The following CARHSP1 variants were observed in gnomAD, a reference collection of about 807,000 sequenced individuals.
CARHSP1 encodes calcium-regulated heat-stable protein 1.
A neutral mutation model predicts 12.5 loss-of-function variants in CARHSP1; 14 were observed. That is an observed-to-expected ratio of 1.12 (90% CI 0.74 to 1.75). The LOEUF (loss-of-function observed/expected upper bound fraction) is 1.75. Among genes scored for constraint, CARHSP1 ranks in the 40% most tolerant of loss-of-function variants. The pLI, the probability that CARHSP1 is intolerant of heterozygous loss-of-function variation, is 0.00. For synonymous variants in CARHSP1, 161 were observed against 82.0 expected (o/e 1.96, Z -5.20); for missense variants, 343 against 201.6 (o/e 1.70, Z -4.25).
At chr16:8,860,608 G>T (rs1393173021) in intron 1 of CARHSP1, 1 of 659,838 alleles carries the variant, frequency 1.5e-6, no homozygotes, top group Non-Finnish European at 1.9e-6. Context: ...GCATCACTTG[G>T]CACCTGCGCA....
At chr16:8,861,708 C>G in intron 1 of CARHSP1, 2 of 1,288,600 alleles carry the variant, frequency 1.6e-6, no homozygotes, top group Non-Finnish European at 2.0e-6. Context: ...CAAGGAGGAA[C>G]TCCTGAGTCC....
At position 8,858,466 on chromosome 16, in the gene CARHSP1, C is replaced by T. The variant is rs771853664; in HGVS notation, c.165G>A (p.Val55=). The change falls in exon 3 of 4, where the codon GTG becomes GTA. Residue 55 remains valine, a synonymous_variant. Coordinates refer to ENST00000311052, the MANE Select transcript of CARHSP1 (RefSeq NM_014316.4). ...TRRTRTFSAT[V]RASQGPVYKG... is the part of the protein sequence containing the mutation. ...TGTAGACGGGGCCCTGTGAAGCCCGCACCGTCCTGACAGAGAGGGGGAAAT... is the reference window on the plus strand; with the variant it reads ...TGTAGACGGGGCCCTGTGAAGCCCGTACCGTCCTGACAGAGAGGGGGAAAT... 9 of 1,613,644 alleles carry T rather than the reference C, an allele frequency of 5.6e-6. No individual in the cohort carries two copies. Among genetic ancestry groups the T allele is most frequent in the East Asian group, 2.2e-5 (1 of 44,890 alleles).
chr16:8,858,204 G>T, intron 3 of CARHSP1, 146 bp downstream of exon 3: 2 of 950,226 alleles, frequency 2.1e-6, no homozygotes, highest in Non-Finnish European at 3.1e-6. Context: ...GAGCACAGCT[G>T]GAGCACCAGC....
chr16:8,859,146 C>A lies in CARHSP1; in HGVS notation c.158+25G>T, dbSNP rs199720059. ...CAGGCAAGAGATCCATCTGAGAACGCGTCCCCAGCCTGCTCCAGACTCACG... is the reference window on the plus strand; with the variant it reads ...CAGGCAAGAGATCCATCTGAGAACGAGTCCCCAGCCTGCTCCAGACTCACG... On this transcript the variant is annotated intron_variant, in intron 2 of 3. Transcript: ENST00000311052. The A allele has an allele frequency of 9.0e-6, 14 of 1,559,174 alleles. No individual in the cohort carries two copies. The African/African-American group carries it at 1.4e-4, about 15-fold the overall frequency.
chr16:8,860,921 G>T (rs1207761831), intron 1 of CARHSP1, among the ~76,000 whole-genome samples: 2 of 151,436 alleles, frequency 1.3e-5, no homozygotes, highest in African/African-American at 4.8e-5. Context: ...GTGGTGGTGG[G>T]TGCCTGTAAT....
chr16:8,859,391 C>T (rs1438127026), intron 1 of CARHSP1, 56 bp from the exon 2 acceptor site: 42 of 1,495,008 alleles, frequency 2.8e-5, no homozygotes, highest in Non-Finnish European at 3.5e-5. Flanking sequence ...GGACCCTGTG[C>T]TTACCCCCAT....
intron 1 of CARHSP1, chr16:8,867,650 C>T (rs1001546012): frequency 2.0e-5 from 3 of 152,480 alleles, no homozygotes; most frequent in Non-Finnish European, 4.4e-5. Flanking sequence ...AACATCTACT[C>T]CCAGCCGGGC....
rs913402307 is a variant in CARHSP1 at position 8,853,724 on chromosome 16, C to T, written c.*1440G>A. Reference sequence around the variant, plus strand: ...TGCCTAGCTATTTCTACTTTGAAATCATGACTAAAGCCAAACCACAACCAC... The same window carrying T: ...TGCCTAGCTATTTCTACTTTGAAATTATGACTAAAGCCAAACCACAACCAC... On this transcript the variant is annotated 3_prime_UTR_variant, in exon 4 of 4. Transcript: ENST00000311052. 1 of 152,216 alleles carries T rather than the reference C, an allele frequency of 6.6e-6. No homozygotes were observed. Among genetic ancestry groups the T allele is most frequent in the Non-Finnish European group, 1.5e-5 (1 of 68,042 alleles). 9.4% of individuals were successfully genotyped at this position (152,216 alleles called of 1,614,324 possible). A position where few individuals can be genotyped will look rare whatever the true frequency, so the allele number is the denominator to read the frequency against.
chr16:8,858,311 C>A, intron 3 of CARHSP1, 39 bp downstream of exon 3: 1 of 1,605,336 alleles, frequency 6.2e-7, no homozygotes, highest in Non-Finnish European at 8.5e-7. Context: ...AAGGAAGCGC[C>A]CACCCCAGCC....
chr16:8,864,835 C>T (rs1347100595), intron 1 of CARHSP1, among the ~76,000 whole-genome samples: 1 of 152,208 alleles, frequency 6.6e-6, no homozygotes, highest in East Asian at 1.9e-4. Context: ...TTTCCGTAGG[C>T]TCTGCAGCTC....
At position 8,854,444 on chromosome 16, in the gene CARHSP1, AAGGTC is replaced by A. The variant is rs1474319475; in HGVS notation, c.*715_*719del. 1 of 152,612 alleles carries A rather than the reference AAGGTC, an allele frequency of 6.6e-6. No homozygotes were observed. Among genetic ancestry groups the A allele is most frequent in the Non-Finnish European group, 1.5e-5 (1 of 68,062 alleles). 9.5% of individuals were successfully genotyped at this position (152,612 alleles called of 1,614,324 possible). On this transcript the variant is annotated 3_prime_UTR_variant, in exon 4 of 4. Transcript: ENST00000311052. The stretch of plus-strand genomic sequence containing the variant: ...GTCACACAACCAGAAGGCAGATGAA[AAGGTC>A]AGGCTCTAAGAGGGGTTCAGCCTCC...
At chr16:8,856,222 C>T (rs1176848549) in intron 3 of CARHSP1, among the ~76,000 whole-genome samples, 1 of 152,146 alleles carries the variant, frequency 6.6e-6, no homozygotes. Context: ...ACATGAGTCA[C>T]CCTCTCACAT....
At chr16:8,858,846 G>C (rs1383302821) in intron 2 of CARHSP1, 2 of 409,902 alleles carry the variant, frequency 4.9e-6, no homozygotes, top group Non-Finnish European at 8.7e-6. Flanking sequence ...TGCAGCCCTG[G>C]TGCTGTGCCC....
chr16:8,858,278 A>G, intron 3 of CARHSP1, 72 bp downstream of exon 3: 1 of 1,562,276 alleles, frequency 6.4e-7, no homozygotes, highest in Admixed American at 1.8e-5. Context: ...AGAGTCACAC[A>G]CCATCCCCAC....
In CARHSP1 at chr16:8,859,152, C is replaced by T. The variant is rs780817200; in HGVS notation, c.158+19G>A. ...AGAGATCCATCTGAGAACGCGTCCC[C>T]AGCCTGCTCCAGACTCACGCCGAGA... On this transcript the variant is annotated intron_variant, in intron 2 of 3. Coordinates refer to ENST00000311052, the MANE Select transcript of CARHSP1 (RefSeq NM_014316.4). The T allele has an allele frequency of 6.3e-7, 1 of 1,575,426 alleles. No individual in the cohort carries two copies. The highest frequency in any genetic ancestry group is 8.7e-7 in the Non-Finnish European group (1 of 1,156,034).
rs1380821384 is a variant in CARHSP1 at position 8,854,366 on chromosome 16, C to G, written c.*798G>C. On this transcript the variant is annotated 3_prime_UTR_variant, in exon 4 of 4. Coordinates refer to ENST00000311052, the MANE Select transcript of CARHSP1 (RefSeq NM_014316.4). ...ACAAGCCCTTCCCACCACCACCACC[C>G]CAGCCCCCCGCCGCCATAATTACAG... is the stretch of plus-strand genomic sequence containing the variant. The G allele has an allele frequency of 6.6e-6, 1 of 152,156 alleles. No individual in the cohort carries two copies. The highest frequency in any genetic ancestry group is 1.9e-4 in the East Asian group (1 of 5,184). The allele number at this position is 152,156 out of a possible 1,614,324, so 9.4% of individuals were successfully genotyped here.
At chr16:8,861,033 G>C (rs573668584) in intron 1 of CARHSP1, among the ~76,000 whole-genome samples, 2 of 143,468 alleles carry the variant, frequency 1.4e-5, no homozygotes, top group South Asian at 2.4e-4. Flanking sequence ...CTGGGTGACA[G>C]AGTGAGACTC....
rs891460176 is a variant in CARHSP1, at chr16:8,855,390, CCAGCCACCCTTCTGGTCACA to C, written c.282-84_282-65del. The C allele has an allele frequency of 1.8e-5, 24 of 1,369,260 alleles. 1 individual carries two copies. In the African/African-American group the frequency reaches 3.4e-4, roughly 19 times the overall value. The allele number at this position is 1,369,260 out of a possible 1,614,324, so 84.8% of individuals were successfully genotyped here. ...GGACACAGCTCCCTTCCCCAAGACA[CCAGCCACCCTTCTGGTCACA>C]CAGCCACCAAAGCAGGCACCATCTG... On this transcript the variant is annotated intron_variant, in intron 3 of 3. Transcript: ENST00000311052.
intron 1 of CARHSP1, 70 bp from the exon 2 acceptor site, chr16:8,859,405 C>T (rs1011547974): frequency 5.9e-6 from 8 of 1,366,650 alleles, no homozygotes; most frequent in Non-Finnish European, 8.0e-6. Flanking sequence ...CCCCCATGTC[C>T]ACGTCTGACA....
Sources: allele counts gnomAD v4.1 joint callset (sites outside exome capture counted in the v4.1 genomes callset), GRCh38; gene constraint gnomAD v4.1.1; transcripts MANE v1.5; gene names NCBI Gene and HGNC (gene_info 2026-07-23, HGNC 2026-07-21).